Variants in AFF2 observed in about 807,000 individuals in gnomAD.
The protein encoded by AFF2 is ALF transcription elongation factor 2.
Under a neutral mutation model 76.9 loss-of-function variants are expected in AFF2, and 14 were observed. The ratio of observed to expected loss-of-function variants is 0.18; its 90% CI spans 0.12 to 0.28. The LOEUF (loss-of-function observed/expected upper bound fraction) is 0.28, where lower values mean the gene tolerates loss of function less well. Ranked by LOEUF, AFF2 falls within the 10% of genes least tolerant of loss-of-function variation. The pLI is 1.00. For missense variants in AFF2, 868 were observed against 1,001.1 expected, an observed-to-expected ratio of 0.87 and a Z score of 1.79; for synonymous variants, 398 against 366.7, an observed-to-expected ratio of 1.09 and a Z score of -0.98.
intron 9 of AFF2, among the ~76,000 whole-genome samples, chrX:148,951,553 C>G (rs2071969003): frequency 8.9e-6 from 1 of 111,817 alleles, no homozygotes; most frequent in African/African-American, 3.3e-5. Flanking sequence ...CCTCAATCCA[C>G]CACCCAGTAT....
At chrX:148,868,010 A>C (rs2070928399) in intron 7 of AFF2, among the ~76,000 whole-genome samples, 1 of 111,509 alleles carries the variant, frequency 9.0e-6, no homozygotes, top group Non-Finnish European at 1.9e-5. Flanking sequence ...GGCTCCTCTC[A>C]GTTTACTCAC....
intron 19 of AFF2, among the ~76,000 whole-genome samples, chrX:148,983,965 A>AAAAAAAAAAAAAAAAAAAAACAAAAAAAC (rs1438744109): frequency 9.0e-5 from 9 of 99,794 alleles, no homozygotes; most frequent in African/African-American, 3.5e-4. Flanking sequence ...AAAAAAAAAA[A>AAAAAAAAAAAAAAAAAAAAACAAAAAAAC]AAACTGCCCT....
chrX:148,751,723 G>T (rs2055501297), intron 3 of AFF2, among the ~76,000 whole-genome samples: 1 of 111,697 alleles, frequency 9.0e-6, no homozygotes, highest in Admixed American at 9.5e-5. Context: ...TGGTGGTATT[G>T]ACAGCCATCA....
At chrX:148,805,370 G>T (rs898326169) in intron 3 of AFF2, among the ~76,000 whole-genome samples, 1 of 111,480 alleles carries the variant, frequency 9.0e-6, no homozygotes, top group African/African-American at 3.3e-5. Context: ...GGGAAAAAAT[G>T]ACCTGTCTTC....
At chrX:148,715,834 A>G (rs1402403197) in intron 3 of AFF2, among the ~76,000 whole-genome samples, 1 of 111,711 alleles carries the variant, frequency 9.0e-6, no homozygotes, top group Non-Finnish European at 1.9e-5. Flanking sequence ...ATGATCCCAT[A>G]CATTTAAAAT....
At chrX:148,938,562 A>G (rs2071798778) in intron 9 of AFF2, among the ~76,000 whole-genome samples, 1 of 112,322 alleles carries the variant, frequency 8.9e-6, no homozygotes, top group East Asian at 2.8e-4. Flanking sequence ...CCACACCGCA[A>G]AAGTTGCTTT....
chrX:148,619,734 G>A (rs782633514), intron 1 of AFF2, among the ~76,000 whole-genome samples: 2 of 111,545 alleles, frequency 1.8e-5, no homozygotes, highest in East Asian at 2.9e-4. Context: ...GAAGTCAAAC[G>A]GATGATATGT....
At chrX:148,923,525 T>C (rs1480346338) in intron 9 of AFF2, among the ~76,000 whole-genome samples, 1 of 111,046 alleles carries the variant, frequency 9.0e-6, no homozygotes, top group African/African-American at 3.3e-5. Context: ...TGCAAAAATT[T>C]TGAAACGGAA....
chrX:148,930,212 C>G (rs1557284252), intron 9 of AFF2, among the ~76,000 whole-genome samples: 1 of 112,297 alleles, frequency 8.9e-6, no homozygotes, highest in Non-Finnish European at 1.9e-5. Context: ...TTATTCTCAT[C>G]ATACAGTATC....
rs1557259094 is a variant in AFF2 at position 148,671,635 on chromosome X, A to G, written c.1041+8867A>G. On this transcript the variant is annotated intron_variant, in intron 3 of 20. Transcript: ENST00000370460. ...CTAGGAGTATCCACAGTAGAACAAC[A>G]TGAAGGGATCTGAGCCCTGCCGGCA... Among the ~76,000 whole-genome samples the G allele has an allele frequency of 3.6e-5, 4 of 111,511 alleles. No individual in the cohort carries two copies. In the Admixed American group the frequency reaches 3.8e-4, roughly 11 times the overall value.
chrX:148,692,318 T>G (rs1362642375), intron 3 of AFF2, among the ~76,000 whole-genome samples: 1 of 111,985 alleles, frequency 8.9e-6, no homozygotes, highest in Non-Finnish European at 1.9e-5. Context: ...TTGCTTCTAC[T>G]AAGGGATACA....
At chrX:148,920,730 A>G (rs1021462381) in intron 9 of AFF2, among the ~76,000 whole-genome samples, 2 of 110,547 alleles carry the variant, frequency 1.8e-5, no homozygotes, top group African/African-American at 6.6e-5. Context: ...TGAGCCCTTA[A>G]TATTACATTG....
chrX:148,857,042 T>G, intron 7 of AFF2, among the ~76,000 whole-genome samples: 1 of 112,130 alleles, frequency 8.9e-6, no homozygotes, highest in Non-Finnish European at 1.9e-5. Flanking sequence ...CCTTGAGAAT[T>G]AACCTTATTT....
intron 9 of AFF2, among the ~76,000 whole-genome samples, chrX:148,950,992 C>G (rs2071959306): frequency 9.0e-6 from 1 of 111,608 alleles, no homozygotes; most frequent in East Asian, 2.8e-4. Context: ...GTGAATGTTA[C>G]TGCAACAATA....
chrX:148,756,802 A>G (rs1437837229), intron 3 of AFF2, among the ~76,000 whole-genome samples: 1 of 112,872 alleles, frequency 8.9e-6, no homozygotes, highest in African/African-American at 3.2e-5. Context: ...CATGCTTGCA[A>G]GTTAGCAACT....
At chrX:148,879,170 C>A (rs2071068482) in intron 7 of AFF2, among the ~76,000 whole-genome samples, 1 of 111,927 alleles carries the variant, frequency 8.9e-6, no homozygotes, top group Non-Finnish European at 1.9e-5. Flanking sequence ...CTACTATTCT[C>A]CTACTGTTGT....
chrX:148,960,847 C>G (rs781798675), intron 12 of AFF2, among the ~76,000 whole-genome samples: 25 of 111,825 alleles, frequency 2.2e-4, no homozygotes, highest in Admixed American at 1.0e-3. Context: ...CTTCTTTTGT[C>G]TCCTGTTCTA....
intron 3 of AFF2, among the ~76,000 whole-genome samples, chrX:148,774,407 G>A (rs969776695): frequency 4.5e-5 from 5 of 111,100 alleles, no homozygotes; most frequent in African/African-American, 9.8e-5. Context: ...ACAAGAGTTC[G>A]GAAAGATTTG....
chrX:148,707,239 C>G (rs1261834215), intron 3 of AFF2, among the ~76,000 whole-genome samples: 1 of 111,344 alleles, frequency 9.0e-6, no homozygotes, highest in Non-Finnish European at 1.9e-5. Flanking sequence ...TAATGTTGCC[C>G]TAAATACATA....
Sources: allele counts gnomAD v4.1 joint callset (sites outside exome capture counted in the v4.1 genomes callset), GRCh38; gene constraint gnomAD v4.1.1; transcripts MANE v1.5; gene names NCBI Gene and HGNC (gene_info 2026-07-23, HGNC 2026-07-21).